The following ZNF253 variants were observed in gnomAD, a reference collection of about 807,000 sequenced individuals.
The protein encoded by ZNF253 is DNA-binding protein.
ZNF253 carries 8 observed loss-of-function variants against 11.9 expected under a neutral mutation model. The ratio of observed to expected loss-of-function variants is 0.67; its 90% confidence interval spans 0.40 to 1.22. The LOEUF (loss-of-function observed/expected upper bound fraction) is 1.22, where lower values mean the gene tolerates loss of function less well. Ranked by LOEUF, ZNF253 falls within the 50% of genes most tolerant of loss-of-function variation. ZNF253 has a pLI of 0.01. For synonymous variants in ZNF253, 194 were observed against 194.9 expected (o/e 1.00, Z 0.04); for missense variants, 485 against 586.9 (o/e 0.83, Z 1.79).
chr19:19,882,799 G>A (rs1034315386), intron 3 of ZNF253, among the ~76,000 whole-genome samples: 3 of 151,568 alleles, frequency 2.0e-5, no homozygotes, highest in African/African-American at 4.9e-5. Flanking sequence ...GTGAAACCCT[G>A]TTTCCACTAA....
intron 1 of ZNF253, among the ~76,000 whole-genome samples, chr19:19,866,456 C>T (rs141086859): frequency 6.6e-6 from 1 of 152,032 alleles, no homozygotes; most frequent in Non-Finnish European, 1.5e-5. Context: ...GAGTGCTGCT[C>T]GCGTCCGACC....
intron 1 of ZNF253, among the ~76,000 whole-genome samples, chr19:19,870,339 CTGAGAT>C (rs1326980450): frequency 6.7e-6 from 1 of 149,396 alleles, no homozygotes; most frequent in Non-Finnish European, 1.5e-5. Flanking sequence ...TTGCAGTGAG[CTGAGAT>C]TGCACCATTT....
chr19:19,871,072 A>G (rs1307794929), intron 1 of ZNF253: 2 of 152,174 alleles, frequency 1.3e-5, no homozygotes, highest in African/African-American at 2.4e-5. Context: ...CAGAAGCCCT[A>G]TTACTATCCT....
Position 19,886,635 on chromosome 19 carries a change from C to A in ZNF253, c.227-4839C>A, listed in dbSNP as rs1045343505. ...CTGGGTCCTTCACCTCACACTTGCT[C>A]TGTCTCTTACCATATAACATGTCCA... On this transcript the variant is annotated intron_variant, in intron 3 of 3. Transcript: ENST00000589717. Among the ~76,000 whole-genome samples the A allele has an allele frequency of 2.0e-5, 3 of 152,304 alleles. No individual in the cohort carries two copies. The South Asian group carries it at 6.2e-4, about 32-fold the overall frequency.
chr19:19,891,995 C>A lies in ZNF253; in HGVS notation c.748C>A (p.His250Asn). 1 of 1,613,826 alleles carries A rather than the reference C, an allele frequency of 6.2e-7. No individual in the cohort carries two copies. Among genetic ancestry groups the A allele is most frequent in the East Asian group, 2.2e-5 (1 of 44,872 alleles). ...AAACCTTACTACACATAAGAAAATT[C>A]ATACTGGAGAGAAACCCTACAAATG... Reference protein sequence around the residue: ...SSNLTTHKKIHTGEKPYKCEE... With the variant: ...SSNLTTHKKINTGEKPYKCEE... Residue 250 changes from histidine to asparagine, a missense_variant, in exon 4 of 4, where the codon CAT becomes AAT. Coordinates refer to ENST00000589717, the MANE Select transcript of ZNF253 (RefSeq NM_021047.3).
At chr19:19,875,116 C>T (rs2063149864) in intron 1 of ZNF253, among the ~76,000 whole-genome samples, 1 of 152,148 alleles carries the variant, frequency 6.6e-6, no homozygotes. Context: ...CCTCACAGAA[C>T]TGATCAGAAG....
chr19:19,872,597 ATAT>A (rs2063139556), intron 1 of ZNF253, among the ~76,000 whole-genome samples: 1 of 144,034 alleles, frequency 6.9e-6, no homozygotes, highest in African/African-American at 2.7e-5. Context: ...ATATATATAT[ATAT>A]AATCAAGTTT....
intron 3 of ZNF253, among the ~76,000 whole-genome samples, chr19:19,891,110 G>C (rs934320149): frequency 3.3e-5 from 5 of 152,058 alleles, no homozygotes; most frequent in Non-Finnish European, 7.4e-5. Context: ...AAAGTGCTGT[G>C]ATTACAGGCG....
At chr19:19,888,379 TTTTA>T (rs2063215206) in intron 3 of ZNF253, among the ~76,000 whole-genome samples, 1 of 152,056 alleles carries the variant, frequency 6.6e-6, no homozygotes, top group African/African-American at 2.4e-5. Context: ...TATTTTATTG[TTTTA>T]TTTGATTCTT....
At chr19:19,871,701 A>G (rs1389289395) in intron 1 of ZNF253, among the ~76,000 whole-genome samples, 2 of 152,186 alleles carry the variant, frequency 1.3e-5, no homozygotes, top group Non-Finnish European at 2.9e-5. Flanking sequence ...TTCTAATTGT[A>G]GACTAATTAT....
chr19:19,891,414 G>A lies in ZNF253; in HGVS notation c.227-60G>A, dbSNP rs923461539. ...TTGTATAATTTTATAGGTTAGATTT[G>A]TAATGTATATTTATCTGAGTCTAGC... On this transcript the variant is annotated intron_variant, in intron 3 of 3. Transcript: ENST00000589717. 11 of 1,354,544 alleles carry A rather than the reference G, an allele frequency of 8.1e-6. No homozygotes were observed. In the African/African-American group the frequency reaches 1.5e-4, roughly 18 times the overall value. The allele number at this position is 1,354,544 out of a possible 1,614,324, so 83.9% of individuals were successfully genotyped here. A position where few individuals can be genotyped will look rare whatever the true frequency, so the allele number is the denominator to read the frequency against.
At position 19,892,252 on chromosome 19, in the gene ZNF253, A is replaced by G; in HGVS notation, c.1005A>G (p.Thr335=). ...SNLTIHKRIH[T]GEKPYKCEEC... ...TTACTATACATAAGAGAATTCATAC[A>G]GGAGAGAAACCCTACAAATGTGAAG... Residue 335 remains threonine, a synonymous_variant, in exon 4 of 4, where the codon ACA becomes ACG. Transcript: ENST00000589717. The G allele has an allele frequency of 1.9e-6, 3 of 1,602,878 alleles. No homozygotes were observed. Among genetic ancestry groups the G allele is most frequent in the African/African-American group, 1.4e-5 (1 of 71,408 alleles).
At position 19,892,984 on chromosome 19, in the gene ZNF253, C is replaced by T; in HGVS notation, c.*237C>T. ...ATAAACCTATAACAAGTTCTCAATT[C>T]CTTTTTTTTTGAGATGGAGTTTCAC... On this transcript the variant is annotated 3_prime_UTR_variant, in exon 4 of 4. Coordinates refer to ENST00000589717, the MANE Select transcript of ZNF253 (RefSeq NM_021047.3). 2 of 409,344 alleles carry T rather than the reference C, an allele frequency of 4.9e-6. No individual in the cohort carries two copies. The highest frequency in any genetic ancestry group is 8.1e-6 in the Non-Finnish European group (2 of 248,378). The allele number at this position is 409,344 out of a possible 1,614,324, so 25.4% of individuals were successfully genotyped here.
chr19:19,873,679 T>G (rs2063143554), intron 1 of ZNF253, among the ~76,000 whole-genome samples: 1 of 152,122 alleles, frequency 6.6e-6, no homozygotes, highest in Non-Finnish European at 1.5e-5. Flanking sequence ...AAGTATTTCC[T>G]TACATCTCAT....
chr19:19,872,587 A>ATATATATATATATTAT (rs1555777040), intron 1 of ZNF253, among the ~76,000 whole-genome samples: 1,594 of 129,670 alleles, frequency 0.012, 33 homozygotes, highest in South Asian at 0.048. Flanking sequence ...ATATTATTAT[A>ATATATATATATATTAT]TATATATATA....
At chr19:19,878,681 T>C (rs1340098850) in intron 2 of ZNF253, 74 bp downstream of exon 2, 2 of 1,513,420 alleles carry the variant, frequency 1.3e-6, no homozygotes, top group Non-Finnish European at 8.9e-7. Context: ...GAATGTTTGT[T>C]AGTAATTTAT....
rs747556846 is a variant in ZNF253 at position 19,878,576 on chromosome 19, G to A, written c.99G>A (p.Met33Ile). 1 of 1,613,810 alleles carries A rather than the reference G, an allele frequency of 6.2e-7. No homozygotes were observed. The highest frequency in any genetic ancestry group is 1.3e-5 in the African/African-American group (1 of 75,030). ...TAQRNLYRDV[M>I]LENYRNLVFL... ...AGCGGAATTTATATAGGGATGTGATGTTAGAGAACTACAGAAACTTGGTCT... is the reference window on the plus strand; with the variant it reads ...AGCGGAATTTATATAGGGATGTGATATTAGAGAACTACAGAAACTTGGTCT... The change falls in exon 2 of 4, where the codon ATG becomes ATA. Residue 33 changes from methionine to isoleucine, a missense_variant. Met to Ile is a conservative substitution (Grantham distance 10). Transcript: ENST00000589717.
intron 3 of ZNF253, among the ~76,000 whole-genome samples, chr19:19,887,970 C>A (rs1213897076): frequency 3.3e-5 from 5 of 151,278 alleles, no homozygotes; most frequent in Non-Finnish European, 5.9e-5. Flanking sequence ...TTTTAATAAA[C>A]CTTTTTATTG....
chr19:19,888,210 C>T (rs1463561139), intron 3 of ZNF253, among the ~76,000 whole-genome samples: 1 of 151,848 alleles, frequency 6.6e-6, no homozygotes, highest in Non-Finnish European at 1.5e-5. Context: ...ATTATAGGCA[C>T]CCACCACCAT....
Sources: gnomAD v4.1 joint callset for allele counts (sites outside exome capture counted in the v4.1 genomes callset) on GRCh38, gnomAD v4.1.1 for gene constraint, MANE v1.5 for transcripts, NCBI Gene and HGNC (gene_info 2026-07-23, HGNC 2026-07-21) for gene names.